IMMP2L: variants seen among roughly 807,000 people sequenced by gnomAD.
IMMP2L encodes mitochondrial inner membrane protease subunit 2.
Under a neutral mutation model 19.3 loss-of-function variants are expected in IMMP2L, and 18 were observed. The ratio of observed to expected loss-of-function variants is 0.93; its 90% CI spans 0.64 to 1.38. The LOEUF is 1.38. Among genes scored for constraint, IMMP2L ranks in the 40% most tolerant of loss-of-function variants. The pLI is 0.00. For missense variants in IMMP2L, 233 were observed against 218.2 expected (o/e 1.07, Z -0.43); for synonymous variants, 76 against 73.0 (o/e 1.04, Z -0.21).
chr7:111,311,064 C>G (rs1458630684), intron 3 of IMMP2L, among the ~76,000 whole-genome samples: 1 of 152,112 alleles, frequency 6.6e-6, no homozygotes, highest in Non-Finnish European at 1.5e-5. Context: ...GATTTGCTCT[C>G]CTGGATGGGA....
chr7:111,328,351 C>A (rs1311886715), intron 3 of IMMP2L, among the ~76,000 whole-genome samples: 1 of 151,684 alleles, frequency 6.6e-6, no homozygotes, highest in Non-Finnish European at 1.5e-5. Flanking sequence ...TACATGGCAG[C>A]TAGAACTAAA....
chr7:110,878,664 C>A (rs1809322144), intron 5 of IMMP2L, among the ~76,000 whole-genome samples: 1 of 151,432 alleles, frequency 6.6e-6, no homozygotes, highest in African/African-American at 2.4e-5. Context: ...TTGATTATAA[C>A]AACATAGTGA....
intron 3 of IMMP2L, among the ~76,000 whole-genome samples, chr7:111,010,845 G>A (rs1824866809): frequency 1.3e-5 from 2 of 151,992 alleles, no homozygotes; most frequent in Non-Finnish European, 2.9e-5. Context: ...GGACATTCAT[G>A]GTCTCAAGAC....
Position 110,890,728 on chromosome 7 carries a change from A to G in IMMP2L, c.306-4033T>C, listed in dbSNP as rs186687141. Among the ~76,000 whole-genome samples, 246 of 152,286 alleles carry G rather than the reference A, an allele frequency of 1.6e-3. 1 individual carries two copies. The highest frequency in any genetic ancestry group is 5.5e-3 in the African/African-American group (229 of 41,560). ...TTTGACAGTCAAAAATGAGCTCTGT[A>G]TGGTACTCTAACTACCTGTCTAAAA... On this transcript the variant is annotated intron_variant, in intron 4 of 5. Transcript: ENST00000405709.
rs1033522576 is a variant in IMMP2L, at chr7:111,357,040, T to C, written c.239+130198A>G. Among the ~76,000 whole-genome samples, 7 of 152,076 alleles carry C rather than the reference T, an allele frequency of 4.6e-5. No homozygotes were observed. In the East Asian group the frequency reaches 1.2e-3, roughly 25 times the overall value. On this transcript the variant is annotated intron_variant, in intron 3 of 5. Coordinates refer to ENST00000405709, the MANE Select transcript of IMMP2L (RefSeq NM_032549.4). ...CTGTCTCAAAAAAAAAGCACATATATGCAAGCTACAAGATTACTATCAACT... is the reference window on the plus strand; with the variant it reads ...CTGTCTCAAAAAAAAAGCACATATACGCAAGCTACAAGATTACTATCAACT...
chr7:111,377,834 T>G (rs1350535264), intron 3 of IMMP2L, among the ~76,000 whole-genome samples: 1 of 152,050 alleles, frequency 6.6e-6, no homozygotes. Context: ...CCACAGTATT[T>G]TCTATGCATA....
At chr7:111,447,231 G>A (rs1838575511) in intron 3 of IMMP2L, among the ~76,000 whole-genome samples, 1 of 136,600 alleles carries the variant, frequency 7.3e-6, no homozygotes, top group African/African-American at 2.9e-5. Context: ...TCCTCGAGAA[G>A]AGCAACTCCA....
chr7:111,498,005 C>T (rs1004324878), intron 2 of IMMP2L, among the ~76,000 whole-genome samples: 56 of 151,860 alleles, frequency 3.7e-4, no homozygotes, highest in African/African-American at 1.3e-3. Flanking sequence ...ATATGCAGTG[C>T]TTTTATATTA....
At chr7:111,006,456 T>C (rs901066158) in intron 3 of IMMP2L, among the ~76,000 whole-genome samples, 9 of 152,178 alleles carry the variant, frequency 5.9e-5, no homozygotes, top group Non-Finnish European at 1.3e-4. Context: ...TTTAATCCCT[T>C]GAAGCAAAAG....
intron 3 of IMMP2L, among the ~76,000 whole-genome samples, chr7:111,240,296 G>A (rs1325236698): frequency 6.6e-6 from 1 of 151,904 alleles, no homozygotes; most frequent in Non-Finnish European, 1.5e-5. Context: ...CTTCTAAAAA[G>A]AGTAATTTAA....
At chr7:110,999,490 A>G (rs1823411751) in intron 3 of IMMP2L, among the ~76,000 whole-genome samples, 1 of 150,836 alleles carries the variant, frequency 6.6e-6, no homozygotes, top group African/African-American at 2.4e-5. Context: ...CAACAATCAT[A>G]TTTGTATTCT....
chr7:110,753,092 C>A lies in IMMP2L; in HGVS notation c.409-89371G>T, dbSNP rs535217808. The stretch of plus-strand genomic sequence containing the variant: ...TAGCAGTTATGCTTTATAGGAAATG[C>A]TTGGTTGATGCTGGGGGAGCAGAAG... On this transcript the variant is annotated intron_variant, in intron 5 of 5. Coordinates refer to ENST00000405709, the MANE Select transcript of IMMP2L (RefSeq NM_032549.4). 2.0e-5 allele frequency among the ~76,000 whole-genome samples: 3 copies of A among 152,018 alleles called. No individual in the cohort carries two copies. The South Asian group carries it at 6.2e-4, about 31-fold the overall frequency.
intron 3 of IMMP2L, among the ~76,000 whole-genome samples, chr7:111,068,109 A>C (rs1010012091): frequency 1.1e-4 from 17 of 152,202 alleles, no homozygotes; most frequent in African/African-American, 4.1e-4. Context: ...ACAGTGGTAA[A>C]GAAGAGTATA....
At chr7:110,713,581 T>G (rs1350118244) in intron 5 of IMMP2L, among the ~76,000 whole-genome samples, 1 of 152,140 alleles carries the variant, frequency 6.6e-6, no homozygotes, top group Non-Finnish European at 1.5e-5. Flanking sequence ...CATCTCTCAT[T>G]TCTTTTAGCA....
chr7:111,294,138 A>T (rs1452567324), intron 3 of IMMP2L, among the ~76,000 whole-genome samples: 6 of 151,916 alleles, frequency 3.9e-5, no homozygotes, highest in Non-Finnish European at 7.4e-5. Context: ...CACTTTACAG[A>T]TGAAGAAACT....
intron 3 of IMMP2L, among the ~76,000 whole-genome samples, chr7:111,384,993 T>C (rs1831589637): frequency 6.6e-6 from 1 of 152,216 alleles, no homozygotes; most frequent in Admixed American, 6.5e-5. Flanking sequence ...ATTAGGTGGG[T>C]TCTGTAAGGC....
At chr7:111,558,551 A>C (rs958235373) in intron 1 of IMMP2L, among the ~76,000 whole-genome samples, 5 of 152,216 alleles carry the variant, frequency 3.3e-5, no homozygotes, top group Non-Finnish European at 7.3e-5. Context: ...CAGTTAAGCA[A>C]TAACAGGCCC....
chr7:111,346,179 C>T (rs1334202476), intron 3 of IMMP2L, among the ~76,000 whole-genome samples: 2 of 152,038 alleles, frequency 1.3e-5, no homozygotes, highest in African/African-American at 2.4e-5. Context: ...TCAGTAAAGC[C>T]TAATATGGAA....
At chr7:111,378,044 G>A (rs1175652169) in intron 3 of IMMP2L, among the ~76,000 whole-genome samples, 1 of 151,754 alleles carries the variant, frequency 6.6e-6, no homozygotes, top group Non-Finnish European at 1.5e-5. Flanking sequence ...TTATGGAATA[G>A]ACTTGGTAGC....
Sources: gnomAD v4.1 joint callset for allele counts (sites outside exome capture counted in the v4.1 genomes callset) on GRCh38, gnomAD v4.1.1 for gene constraint, MANE v1.5 for transcripts, NCBI Gene and HGNC (gene_info 2026-07-23, HGNC 2026-07-21) for gene names.